CPS1: variants seen among roughly 807,000 people sequenced by gnomAD.
CPS1 encodes carbamoyl-phosphate synthase [ammonia], mitochondrial.
CPS1 carries 109 observed loss-of-function variants against 174.6 expected under a neutral mutation model. The ratio of observed to expected loss-of-function variants is 0.62; its 90% CI spans 0.53 to 0.73. The LOEUF (loss-of-function observed/expected upper bound fraction) is 0.73. CPS1 is among the 30% of genes least tolerant of loss of function. The pLI is 0.00. For missense variants in CPS1, 1,689 were observed against 1,821.9 expected (o/e 0.93, Z 1.33); for synonymous variants, 637 against 632.0 (o/e 1.01, Z -0.12).
At chr2:210,558,923 C>T (rs975539488) in intron 1 of CPS1, among the ~76,000 whole-genome samples, 4 of 152,066 alleles carry the variant, frequency 2.6e-5, no homozygotes, top group African/African-American at 9.7e-5. Flanking sequence ...CCATTACTCA[C>T]ACTCAATCAT....
chr2:210,496,608 A>G (rs1200441071), intron 1 of CPS1, among the ~76,000 whole-genome samples: 3 of 152,154 alleles, frequency 2.0e-5, no homozygotes, highest in Non-Finnish European at 2.9e-5. Context: ...TCAGCATGAG[A>G]TGAGAAGGCA....
chr2:210,660,521 C>T lies in CPS1; in HGVS notation c.3793C>T (p.Pro1265Ser), dbSNP rs1463871450. 1 of 1,613,960 alleles carries T rather than the reference C, an allele frequency of 6.2e-7. No individual in the cohort carries two copies. The highest frequency in any genetic ancestry group is 2.2e-5 in the East Asian group (1 of 44,874). The change falls in exon 32 of 38, where the codon CCC becomes TCC. Residue 1265 changes from proline to serine, a missense_variant. By Grantham distance (74) the Pro-to-Ser change is moderately conservative. Transcript: ENST00000233072. Reference protein sequence around the residue: ...ECNLRASRSFPFVSKTLGVDF... With the variant: ...ECNLRASRSFSFVSKTLGVDF... ...TAACTTGAGAGCTTCTCGATCCTTC[C>T]CCTTTGTTTCCAAGACTCTTGGGGT...
chr2:210,597,782 C>A (rs1698538110), intron 13 of CPS1, among the ~76,000 whole-genome samples: 1 of 150,438 alleles, frequency 6.6e-6, no homozygotes, highest in African/African-American at 2.5e-5. Context: ...TTTTGAAGGT[C>A]TCTCCCGATG....
intron 1 of CPS1, among the ~76,000 whole-genome samples, chr2:210,502,707 C>G (rs908865846): frequency 2.6e-5 from 4 of 152,034 alleles, no homozygotes; most frequent in African/African-American, 7.2e-5. Context: ...CTTCTTGCCT[C>G]CATCCTGCCC....
chr2:210,601,372 T>C (rs17825520), intron 15 of CPS1, among the ~76,000 whole-genome samples: 3,650 of 152,040 alleles, frequency 0.024, 68 homozygotes, highest in Non-Finnish European at 0.031. Context: ...AACTTCTCCA[T>C]GGTAGAAACA....
chr2:210,606,370 A>C (rs1698910951), intron 17 of CPS1, among the ~76,000 whole-genome samples: 1 of 151,840 alleles, frequency 6.6e-6, no homozygotes, highest in Non-Finnish European at 1.5e-5. Context: ...GAAAGGGATG[A>C]GATACAGAAA....
chr2:210,557,814 A>G (rs1357311227), intron 1 of CPS1, among the ~76,000 whole-genome samples: 2 of 152,086 alleles, frequency 1.3e-5, no homozygotes, highest in Non-Finnish European at 2.9e-5. Context: ...TGTTCTGCTT[A>G]TACTTTGCAT....
chr2:210,638,677 CTTG>C (rs1160768000), intron 22 of CPS1, among the ~76,000 whole-genome samples: 2 of 152,150 alleles, frequency 1.3e-5, no homozygotes, highest in East Asian at 3.9e-4. Context: ...TCAATGAGAT[CTTG>C]TTCTCCCCCC....
chr2:210,596,529 C>T (rs1205725845), intron 13 of CPS1, among the ~76,000 whole-genome samples: 1 of 151,920 alleles, frequency 6.6e-6, no homozygotes, highest in Non-Finnish European at 1.5e-5. Flanking sequence ...AGAGGTAGAA[C>T]ACAGTCTCAA....
chr2:210,532,172 T>C (rs1331355968), intron 1 of CPS1, among the ~76,000 whole-genome samples: 2 of 152,130 alleles, frequency 1.3e-5, no homozygotes, highest in African/African-American at 4.8e-5. Context: ...CAAAGAACTA[T>C]GAGGCATTTT....
intron 21 of CPS1, among the ~76,000 whole-genome samples, chr2:210,632,853 T>C (rs1410387193): frequency 3.9e-5 from 6 of 152,238 alleles, no homozygotes; most frequent in African/African-American, 1.4e-4. Context: ...CAAGTTAAGG[T>C]AGATGAACAT....
intron 21 of CPS1, among the ~76,000 whole-genome samples, chr2:210,634,567 C>G (rs1439863988): frequency 6.6e-6 from 1 of 152,138 alleles, no homozygotes; most frequent in Non-Finnish European, 1.5e-5. Flanking sequence ...GGGGTAAAGC[C>G]TTTCCAGACT....
intron 13 of CPS1, 51 bp downstream of exon 13, chr2:210,595,633 T>A: frequency 8.3e-7 from 1 of 1,202,382 alleles, no homozygotes. Context: ...TTAATGAGTC[T>A]AATTAGTATT....
chr2:210,593,404 T>C lies in CPS1; in HGVS notation c.1164+448T>C, dbSNP rs186095174. 5.6e-6 allele frequency: 6 copies of C among 1,067,540 alleles called. No homozygotes were observed. In the African/African-American group the frequency reaches 6.7e-5, roughly 12 times the overall value. 66.1% of individuals were successfully genotyped at this position (1,067,540 alleles called of 1,614,324 possible). A position where few individuals can be genotyped will look rare whatever the true frequency, so the allele number is the denominator to read the frequency against. ...AGCAGGAGAAGGAGGGGAAGGGTGT[T>C]GGAGGGGAGAGAGGGCATGCATGCA... is the stretch of plus-strand genomic sequence containing the variant. On this transcript the variant is annotated intron_variant, in intron 11 of 37. Transcript: ENST00000233072.
intron 21 of CPS1, among the ~76,000 whole-genome samples, chr2:210,637,468 C>A (rs909667121): frequency 6.6e-6 from 1 of 151,904 alleles, no homozygotes; most frequent in Non-Finnish European, 1.5e-5. Flanking sequence ...GGGAAGAGGT[C>A]GCATAGAGTG....
chr2:210,495,864 G>A (rs1036233943), intron 1 of CPS1, among the ~76,000 whole-genome samples: 6 of 151,974 alleles, frequency 3.9e-5, no homozygotes, highest in African/African-American at 1.5e-4. Flanking sequence ...GTATGTGTGT[G>A]TGGGTGAGTG....
chr2:210,677,217 A>T, intron 37 of CPS1, 81 bp downstream of exon 37: 1 of 1,339,144 alleles, frequency 7.5e-7, no homozygotes, highest in South Asian at 1.2e-5. Context: ...GTAGATGCAC[A>T]TCTCTCTTTT....
Position 210,497,328 on chromosome 2 carries a change from A to G in CPS1, c.3+19562A>G, listed in dbSNP as rs148652211. Among the ~76,000 whole-genome samples, 34 of 152,326 alleles carry G rather than the reference A, an allele frequency of 2.2e-4. No homozygotes were observed. The East Asian group carries it at 6.0e-3, about 27-fold the overall frequency. On this transcript the variant is annotated intron_variant, in intron 1 of 38. Coordinates refer to the CPS1 transcript ENST00000430249. ...AATATGATATGTAAAATGTAATAAA[A>G]TGTTAAAAATATTCATATCCTATTT...
chr2:210,648,957 G>A (rs921326080), intron 27 of CPS1, among the ~76,000 whole-genome samples: 3 of 152,188 alleles, frequency 2.0e-5, no homozygotes, highest in Non-Finnish European at 4.4e-5. Context: ...CAGTTTTTGA[G>A]ATCCGATTGT....
Sources: allele counts gnomAD v4.1 joint callset (sites outside exome capture counted in the v4.1 genomes callset), GRCh38; gene constraint gnomAD v4.1.1; transcripts MANE v1.5; gene names NCBI Gene and HGNC (gene_info 2026-07-23, HGNC 2026-07-21).